KDM4B: variants seen among roughly 807,000 people sequenced by gnomAD.
The protein encoded by KDM4B is lysine demethylase 4B.
KDM4B carries 32 observed loss-of-function variants against 125.2 expected under a neutral mutation model. The ratio of observed to expected loss-of-function variants is 0.26; its 90% CI spans 0.19 to 0.34. The LOEUF is 0.34. Among genes scored for constraint, KDM4B ranks in the 10% least tolerant of loss-of-function variants. The probability of loss-of-function intolerance (pLI) is 1.00; values close to 1 mark genes in which losing one functional copy is unlikely to be tolerated. For missense variants in KDM4B, 1,190 were observed against 1,577.7 expected (o/e 0.75, Z 4.16); for synonymous variants, 721 against 677.9 (o/e 1.06, Z -0.99).
intron 6 of KDM4B, among the ~76,000 whole-genome samples, chr19:5,048,280 G>T (rs1240409774): frequency 6.6e-6 from 1 of 152,246 alleles, no homozygotes; most frequent in Non-Finnish European, 1.5e-5. Flanking sequence ...CAGCGAGGCC[G>T]TGTGGGGGTG....
At position 5,063,972 on chromosome 19, in the gene KDM4B, T is replaced by G. The variant is rs190270788; in HGVS notation, c.627-7038T>G. 2.3e-3 allele frequency among the ~76,000 whole-genome samples: 356 copies of G among 152,260 alleles called. 2 individuals carry two copies. The highest frequency in any genetic ancestry group is 3.8e-3 in the Non-Finnish European group (258 of 68,012). ...GTGGATGTGGGGCTGAGACAGCAGC[T>G]CTCTGTTGGGTCTCGCAGGAAGCCC... On this transcript the variant is annotated intron_variant, in intron 6 of 22. Coordinates refer to ENST00000159111, the MANE Select transcript of KDM4B (RefSeq NM_015015.3).
At chr19:4,987,037 C>T (rs1291074173) in intron 1 of KDM4B, among the ~76,000 whole-genome samples, 2 of 151,970 alleles carry the variant, frequency 1.3e-5, no homozygotes, top group African/African-American at 4.8e-5. Flanking sequence ...CGGCTCACTG[C>T]AACCTCTGCC....
At chr19:5,127,502 T>C (rs1399315906) in intron 11 of KDM4B, among the ~76,000 whole-genome samples, 2 of 152,170 alleles carry the variant, frequency 1.3e-5, no homozygotes, top group African/African-American at 4.8e-5. Context: ...CACCAGCAGG[T>C]GCGGGCTATG....
At chr19:4,973,880 A>C (rs1291689552) in intron 1 of KDM4B, among the ~76,000 whole-genome samples, 7 of 151,748 alleles carry the variant, frequency 4.6e-5, no homozygotes, top group Non-Finnish European at 8.8e-5. Flanking sequence ...CTGTAATCCC[A>C]GCACTTTGGG....
At chr19:5,119,301 C>A in intron 10 of KDM4B, 3 of 999,564 alleles carry the variant, frequency 3.0e-6, no homozygotes, top group Non-Finnish European at 4.5e-6. Context: ...CTCCCTGTGT[C>A]TCTGTCCCGT....
intron 9 of KDM4B, among the ~76,000 whole-genome samples, chr19:5,096,249 T>C (rs1441585897): frequency 1.3e-5 from 2 of 152,028 alleles, no homozygotes; most frequent in African/African-American, 2.4e-5. Flanking sequence ...CACACCTGGC[T>C]AATTTTTGTA....
intron 6 of KDM4B, among the ~76,000 whole-genome samples, chr19:5,061,876 A>G (rs764339344): frequency 1.1e-4 from 17 of 152,022 alleles, no homozygotes; most frequent in African/African-American, 4.1e-4. Flanking sequence ...ACAAAAAAAA[A>G]CAGAAGAAAG....
intron 2 of KDM4B, among the ~76,000 whole-genome samples, chr19:5,030,967 C>T (rs540752769): frequency 6.6e-6 from 1 of 152,358 alleles, no homozygotes; most frequent in Non-Finnish European, 1.5e-5. Context: ...CCCAGTCCTC[C>T]CAGAGGGCTG....
chr19:5,124,357 C>T (rs781701495), intron 11 of KDM4B, among the ~76,000 whole-genome samples: 34 of 152,272 alleles, frequency 2.2e-4, no homozygotes, highest in Middle Eastern at 6.8e-3. Flanking sequence ...GTTCAGGCAG[C>T]GAGGAAAGTG....
At chr19:5,040,350 C>T (rs1341533231) in intron 4 of KDM4B, among the ~76,000 whole-genome samples, 4 of 152,154 alleles carry the variant, frequency 2.6e-5, no homozygotes, top group African/African-American at 7.2e-5. Context: ...TGGCTCCACA[C>T]GGGTACATGC....
chr19:5,079,927 G>A (rs942645637), intron 8 of KDM4B, among the ~76,000 whole-genome samples: 3 of 151,936 alleles, frequency 2.0e-5, no homozygotes, highest in East Asian at 1.9e-4. Context: ...CTCATTTCAC[G>A]GAGCTCCCAG....
intron 11 of KDM4B, among the ~76,000 whole-genome samples, chr19:5,130,848 C>T (rs1313037932): frequency 1.3e-5 from 2 of 152,266 alleles, no homozygotes; most frequent in East Asian, 1.9e-4. Context: ...GCCGCTGCTG[C>T]GCCTGCGTTG....
intron 11 of KDM4B, among the ~76,000 whole-genome samples, chr19:5,130,795 A>G (rs2039528409): frequency 4.6e-5 from 7 of 152,230 alleles, no homozygotes; most frequent in Admixed American, 4.6e-4. Context: ...GAAGGCACAT[A>G]GAGCAACACC....
In KDM4B at chr19:5,135,370, C is replaced by T. The variant is rs2039630218; in HGVS notation, c.2117C>T (p.Ala706Val). 1 of 1,613,374 alleles carries T rather than the reference C, an allele frequency of 6.2e-7. No individual in the cohort carries two copies. The highest frequency in any genetic ancestry group is 1.1e-5 in the South Asian group (1 of 91,090). The change falls in exon 15 of 23, where the codon GCC (alanine) becomes GTC (valine). Residue 706 changes from alanine to valine, a missense_variant. Physicochemically the swap from Ala to Val is moderately conservative, Grantham distance 64 (BLOSUM62 0). Transcript: ENST00000159111. The stretch of plus-strand genomic sequence containing the variant: ...CAGACTGAGAAGGAGGCACCCATAG[C>T]CTCCCTCGGAGAGGGCTGCCCGGCC... The part of the protein sequence containing the change: ...ALQTEKEAPI[A>V]SLGEGCPATL...
intron 1 of KDM4B, among the ~76,000 whole-genome samples, chr19:4,983,227 C>T (rs1432024263): frequency 6.6e-6 from 1 of 151,290 alleles, no homozygotes; most frequent in Non-Finnish European, 1.5e-5. Context: ...GGGGAGGGCC[C>T]TGGCCCCGGA....
At chr19:4,970,997 A>T (rs997594960) in intron 1 of KDM4B, among the ~76,000 whole-genome samples, 15 of 151,976 alleles carry the variant, frequency 9.9e-5, no homozygotes, top group African/African-American at 3.4e-4. Context: ...GGTAACGGAG[A>T]TTCTGCCGCA....
intron 9 of KDM4B, among the ~76,000 whole-genome samples, chr19:5,105,782 T>C (rs1339712052): frequency 6.6e-6 from 1 of 152,218 alleles, no homozygotes; most frequent in African/African-American, 2.4e-5. Context: ...TTTGCAGCTT[T>C]ACAGGCCGTG....
intron 9 of KDM4B, among the ~76,000 whole-genome samples, chr19:5,084,006 G>A (rs1421846765): frequency 6.6e-6 from 1 of 152,122 alleles, no homozygotes; most frequent in Non-Finnish European, 1.5e-5. Flanking sequence ...TAGCACTTTG[G>A]GAGGCAGAGG....
intron 1 of KDM4B, among the ~76,000 whole-genome samples, chr19:4,982,327 C>G (rs1009841464): frequency 4.0e-5 from 6 of 151,140 alleles, no homozygotes; most frequent in African/African-American, 1.5e-4. Context: ...TGGCACATGC[C>G]TGTAATCCCA....
Sources: gnomAD v4.1 joint callset for allele counts (sites outside exome capture counted in the v4.1 genomes callset) on GRCh38, gnomAD v4.1.1 for gene constraint, MANE v1.5 for transcripts, NCBI Gene and HGNC (gene_info 2026-07-23, HGNC 2026-07-21) for gene names.